CDC14B: variants seen among roughly 807,000 people sequenced by gnomAD.
The protein encoded by CDC14B is dual specificity protein phosphatase CDC14B.
In CDC14B, 22 loss-of-function variants were observed where a neutral mutation model predicts 64.2. The observed-to-expected ratio is 0.34, with a 90% CI of 0.24 to 0.49. The LOEUF is 0.49. Among genes scored for constraint, CDC14B ranks in the 20% least tolerant of loss-of-function variants. CDC14B has a pLI of 0.99. For synonymous variants in CDC14B, 191 were observed against 215.8 expected, an observed-to-expected ratio of 0.89 and a Z score of 1.01; for missense variants, 498 against 629.9, an observed-to-expected ratio of 0.79 and a Z score of 2.24.
At position 96,565,425 on chromosome 9, in the gene CDC14B, A is replaced by G. The variant is rs1843773888; in HGVS notation, c.219T>C (p.Tyr73=). ...ATTCAAGTTCATTATCTATGCTGAAATAATGTACATTTGATGCACTCTTTG... is the reference window on the plus strand; with the variant it reads ...ATTCAAGTTCATTATCTATGCTGAAGTAATGTACATTTGATGCACTCTTTG... ...SRPKSASNVH[Y]FSIDNELEYE... Residue 73 remains tyrosine (Y), a synonymous_variant, in exon 2 of 14, where the codon TAT becomes TAC. Transcript: ENST00000375241. 1 of 1,610,220 alleles carries G rather than the reference A, an allele frequency of 6.2e-7. No individual in the cohort carries two copies. The highest frequency in any genetic ancestry group is 1.7e-5 in the Admixed American group (1 of 59,954).
downstream of CDC14B, chr9:96,496,452 G>C (rs1336414452): frequency 1.6e-5 from 7 of 434,030 alleles, no homozygotes; most frequent in African/African-American, 4.0e-5. Flanking sequence ...TGGACGGCAA[G>C]GACTAGCTTC....
chr9:96,565,283 G>T, intron 2 of CDC14B, 110 bp downstream of exon 2: 4 of 637,362 alleles, frequency 6.3e-6, no homozygotes, highest in Non-Finnish European at 5.4e-6. Flanking sequence ...CAAGCATCCT[G>T]TAATTAGCAA....
At chr9:96,494,650 C>T (rs1291293290) in intron 13 of CDC14B, among the ~76,000 whole-genome samples, 1 of 152,204 alleles carries the variant, frequency 6.6e-6, no homozygotes. Context: ...TTGGGCCAAT[C>T]AGTCCTCTGT....
chr9:96,587,834 G>A (rs1350259120), intron 1 of CDC14B, among the ~76,000 whole-genome samples: 6 of 152,040 alleles, frequency 3.9e-5, no homozygotes, highest in Admixed American at 2.0e-4. Context: ...ATATCAACAA[G>A]TGCCCCAGAG....
intron 1 of CDC14B, among the ~76,000 whole-genome samples, chr9:96,575,824 A>G (rs1397763086): frequency 6.6e-6 from 1 of 152,206 alleles, no homozygotes; most frequent in African/African-American, 2.4e-5. Flanking sequence ...ATCTCTATCA[A>G]AAACAAACCA....
chr9:96,618,008 G>A (rs1029579423), intron 1 of CDC14B, among the ~76,000 whole-genome samples: 2 of 152,154 alleles, frequency 1.3e-5, no homozygotes, highest in South Asian at 2.1e-4. Flanking sequence ...GCTACCGGCC[G>A]GGGACTGGTA....
At position 96,577,843 on chromosome 9, in the gene CDC14B, G is replaced by A. The variant is rs529145413; in HGVS notation, c.161-12360C>T. On this transcript the variant is annotated intron_variant, in intron 1 of 13. Transcript: ENST00000375241. ...GAAAGGTATTTTTTAAAAGCTCATA[G>A]AATCATTATTTATAATAGGCAAACA... 5.3e-5 allele frequency among the ~76,000 whole-genome samples: 8 copies of A among 152,244 alleles called. No homozygotes were observed. In the South Asian group the frequency reaches 1.7e-3, roughly 32 times the overall value.
At chr9:96,564,621 C>T (rs1843668601) in intron 3 of CDC14B, among the ~76,000 whole-genome samples, 156 bp downstream of exon 3, 1 of 152,192 alleles carries the variant, frequency 6.6e-6, no homozygotes, top group Non-Finnish European at 1.5e-5. Flanking sequence ...AATAGATACA[C>T]TATGATCTTA....
chr9:96,516,880 C>A (rs11790862), intron 12 of CDC14B, among the ~76,000 whole-genome samples: 24,461 of 151,650 alleles, frequency 0.16, 2,090 homozygotes, highest in East Asian at 0.29. Flanking sequence ...CAACCTCCCC[C>A]TCCCGGGTTC....
intron 1 of CDC14B, among the ~76,000 whole-genome samples, chr9:96,606,334 A>C (rs1160296255): frequency 7.6e-6 from 1 of 131,262 alleles, no homozygotes; most frequent in East Asian, 2.1e-4. Flanking sequence ...CTCCATCTCA[A>C]AAAAAAAAAA....
rs370777466 is a variant in CDC14B, at chr9:96,539,166, G to A, written c.565-26C>T. 4.9e-4 allele frequency: 738 copies of A among 1,495,742 alleles called. 2 individuals carry two copies. Among genetic ancestry groups the A allele is most frequent in the Admixed American group, 1.3e-3 (75 of 56,960 alleles). The allele number at this position is 1,495,742 out of a possible 1,614,324, so 92.7% of individuals were successfully genotyped here. On this transcript the variant is annotated intron_variant, in intron 6 of 13. Transcript: ENST00000375241. ...CTAAAATCCAAAAGAAAGCTTTTAA[G>A]AACAAGGATGCAAATAAGAAAACAG...
intron 1 of CDC14B, among the ~76,000 whole-genome samples, chr9:96,583,795 T>C (rs1195840714): frequency 1.3e-5 from 2 of 152,128 alleles, no homozygotes; most frequent in Non-Finnish European, 2.9e-5. Context: ...CTAGGCTCCC[T>C]GCAAGCTCCG....
intron 1 of CDC14B, chr9:96,618,889 G>C: frequency 3.0e-6 from 1 of 331,798 alleles, no homozygotes; most frequent in Non-Finnish European, 5.6e-6. Flanking sequence ...GAACTCAGAA[G>C]CAGCCCGCGG....
chr9:96,566,898 A>T, intron 1 of CDC14B: 1 of 1,549,326 alleles, frequency 6.5e-7, no homozygotes, highest in Non-Finnish European at 8.7e-7. Context: ...ACACCCCCGA[A>T]GTTTAAAAAA....
chr9:96,520,456 T>C (rs1186653137), intron 12 of CDC14B, among the ~76,000 whole-genome samples: 1 of 152,074 alleles, frequency 6.6e-6, no homozygotes, highest in Non-Finnish European at 1.5e-5. Flanking sequence ...AGTAGTCCTG[T>C]TGCCTCAGCC....
Position 96,522,606 on chromosome 9 carries a change from G to A in CDC14B, c.1246-3C>T, listed in dbSNP as rs1836915892. The stretch of plus-strand genomic sequence containing the variant: ...TTGATTTCGTCATCATCACTGTACT[G>A]TGTAAGTAAAAAAACACTGAGCTAA... On this transcript the variant is annotated splice_polypyrimidine_tract_variant and splice_region_variant and intron_variant, in intron 11 of 13. Transcript: ENST00000375241. 2 of 1,592,354 alleles carry A rather than the reference G, an allele frequency of 1.3e-6. No homozygotes were observed. Among genetic ancestry groups the A allele is most frequent in the African/African-American group, 1.3e-5 (1 of 74,636 alleles).
intron 1 of CDC14B, among the ~76,000 whole-genome samples, chr9:96,585,147 G>A (rs1158344937): frequency 6.6e-6 from 1 of 151,772 alleles, no homozygotes; most frequent in Admixed American, 6.6e-5. Context: ...GATTTAAAAT[G>A]CATTGTCATG....
chr9:96,547,595 A>G (rs147111360), intron 5 of CDC14B, among the ~76,000 whole-genome samples: 1 of 152,190 alleles, frequency 6.6e-6, no homozygotes, highest in East Asian at 1.9e-4. Flanking sequence ...CTAGGACTAC[A>G]GACACATGCC....
intron 13 of CDC14B, among the ~76,000 whole-genome samples, chr9:96,504,828 A>T (rs1475580135): frequency 6.6e-6 from 1 of 152,098 alleles, no homozygotes; most frequent in Admixed American, 6.6e-5. Flanking sequence ...TAGAGGTCCT[A>T]GATGCAGCTG....
Sources: gnomAD v4.1 joint callset for allele counts (sites outside exome capture counted in the v4.1 genomes callset) on GRCh38, gnomAD v4.1.1 for gene constraint, MANE v1.5 for transcripts, NCBI Gene and HGNC (gene_info 2026-07-23, HGNC 2026-07-21) for gene names.